Variants in MSH3 observed in about 807,000 individuals in gnomAD.
MSH3 encodes the protein DNA mismatch repair protein Msh3.
In MSH3, 106 loss-of-function variants were observed where a neutral mutation model predicts 123.3. The observed-to-expected ratio is 0.86, with a 90% confidence interval of 0.73 to 1.01. MSH3 has a LOEUF of 1.01. Ranked by LOEUF, MSH3 falls within the 50% of genes least tolerant of loss-of-function variation. The pLI is 0.00. For missense variants in MSH3, 1,459 were observed against 1,347.6 expected (o/e 1.08, Z -1.29); for synonymous variants, 515 against 481.4 (o/e 1.07, Z -0.91).
chr5:80,757,654 A>C (rs986058481), intron 12 of MSH3, among the ~76,000 whole-genome samples: 2 of 152,166 alleles, frequency 1.3e-5, no homozygotes, highest in Non-Finnish European at 2.9e-5. Flanking sequence ...TTGTATAGTA[A>C]GATCAACCGT....
chr5:80,809,153 A>G (rs942808248), intron 19 of MSH3, among the ~76,000 whole-genome samples: 2 of 151,884 alleles, frequency 1.3e-5, no homozygotes. Context: ...GGAATTTCAT[A>G]TATATTTTCT....
At chr5:80,665,499 T>G (rs1749550340) in intron 3 of MSH3, 136 bp downstream of exon 3, 1 of 695,364 alleles carries the variant, frequency 1.4e-6, no homozygotes, top group African/African-American at 1.8e-5. Flanking sequence ...GGAGCTTTTG[T>G]GTTTTAGTTT....
At position 80,754,284 on chromosome 5, in the gene MSH3, T is replaced by TTATA. The variant is rs543692557; in HGVS notation, c.1764-7250_1764-7247dup. 4.9e-3 allele frequency among the ~76,000 whole-genome samples: 739 copies of TTATA among 151,312 alleles called. 4 individuals carry two copies. The highest frequency in any genetic ancestry group is 0.017 in the African/African-American group (704 of 41,252). On this transcript the variant is annotated intron_variant, in intron 12 of 23. Transcript: ENST00000265081. ...TTGTTTAAAAAAGCAAATATGAATT[T>TTATA]TATATATATATATATGAAATCTCTT...
At chr5:80,848,955 C>T (rs536930821) in intron 20 of MSH3, among the ~76,000 whole-genome samples, 49 of 152,286 alleles carry the variant, frequency 3.2e-4, no homozygotes, top group African/African-American at 1.1e-3. Context: ...AGGCAAGTCC[C>T]TTCTGCCTAT....
intron 8 of MSH3, among the ~76,000 whole-genome samples, chr5:80,679,466 A>G (rs1256899711): frequency 6.6e-6 from 1 of 152,192 alleles, no homozygotes; most frequent in Non-Finnish European, 1.5e-5. Context: ...ATTTAATGAT[A>G]TTATTTGATA....
intron 20 of MSH3, among the ~76,000 whole-genome samples, chr5:80,821,381 T>G (rs1745203347): frequency 6.6e-6 from 1 of 152,234 alleles, no homozygotes; most frequent in Non-Finnish European, 1.5e-5. Context: ...CAGCTACTAA[T>G]ATAAATTAAA....
At chr5:80,710,062 ATCT>A (rs1750828510) in intron 8 of MSH3, among the ~76,000 whole-genome samples, 1 of 151,832 alleles carries the variant, frequency 6.6e-6, no homozygotes, top group South Asian at 2.1e-4. Context: ...GACTACTGCT[ATCT>A]ATCTCCTATT....
chr5:80,848,291 T>C lies in MSH3; in HGVS notation c.2814-5839T>C, dbSNP rs139979492. Among the ~76,000 whole-genome samples the C allele has an allele frequency of 1.6e-4, 24 of 152,310 alleles. No individual in the cohort carries two copies. The East Asian group carries it at 4.2e-3, about 27-fold the overall frequency. On this transcript the variant is annotated intron_variant, in intron 20 of 23. Coordinates refer to ENST00000265081, the MANE Select transcript of MSH3 (RefSeq NM_002439.5). ...CAGCATCGAATTTTAATTTCACCCA[T>C]ACAGTAAATTTTTCAGTGATCATAT...
chr5:80,695,084 GTTGT>G (rs1341730331), intron 8 of MSH3, among the ~76,000 whole-genome samples: 6 of 104,522 alleles, frequency 5.7e-5, no homozygotes, highest in African/African-American at 1.6e-4. Flanking sequence ...TGTTTTTTTT[GTTGT>G]TTTTTTTTTT....
At chr5:80,862,005 A>G (rs245343) in intron 21 of MSH3, among the ~76,000 whole-genome samples, 68,022 of 151,812 alleles carry the variant, frequency 0.45, 16,238 homozygotes, top group Non-Finnish European at 0.54. Flanking sequence ...TGACCTTTTT[A>G]TGGATGAAAA....
intron 12 of MSH3, among the ~76,000 whole-genome samples, chr5:80,746,100 G>T (rs532674435): frequency 5.9e-4 from 90 of 152,098 alleles, no homozygotes; most frequent in African/African-American, 2.1e-3. Context: ...TATAGAAAAC[G>T]CACAGTACAG....
At chr5:80,733,512 A>T (rs1219571972) in intron 10 of MSH3, among the ~76,000 whole-genome samples, 1 of 152,162 alleles carries the variant, frequency 6.6e-6, no homozygotes, top group Middle Eastern at 3.2e-3. Flanking sequence ...TTCTTCAAAG[A>T]ACACCATCAA....
chr5:80,734,288 G>A (rs191317627), intron 10 of MSH3, among the ~76,000 whole-genome samples: 1 of 152,174 alleles, frequency 6.6e-6, no homozygotes, highest in Non-Finnish European at 1.5e-5. Context: ...GTTGCCTAGG[G>A]CTCTTGGGTT....
chr5:80,819,179 A>G (rs1489913239), intron 20 of MSH3, among the ~76,000 whole-genome samples: 3 of 152,074 alleles, frequency 2.0e-5, no homozygotes, highest in African/African-American at 7.2e-5. Context: ...GGAGTTATGC[A>G]ATAAGAAGGC....
intron 22 of MSH3, among the ~76,000 whole-genome samples, chr5:80,867,454 A>G (rs1746126436): frequency 6.6e-6 from 1 of 152,206 alleles, no homozygotes; most frequent in African/African-American, 2.4e-5. Context: ...ATTGAGTAAC[A>G]GGCTCCTTCT....
intron 4 of MSH3, among the ~76,000 whole-genome samples, 170 bp downstream of exon 4, chr5:80,670,479 T>A (rs879746892): frequency 2.0e-5 from 3 of 152,168 alleles, no homozygotes; most frequent in Non-Finnish European, 4.4e-5. Context: ...AGAAACTTGG[T>A]GGGAACCAGA....
chr5:80,802,403 A>G (rs1744804620), intron 19 of MSH3, among the ~76,000 whole-genome samples: 2 of 150,476 alleles, frequency 1.3e-5, no homozygotes, highest in Admixed American at 1.3e-4. Flanking sequence ...ACCTCACAGA[A>G]TTGATTCTTT....
chr5:80,733,737 A>G (rs1743454232), intron 10 of MSH3, among the ~76,000 whole-genome samples: 1 of 152,192 alleles, frequency 6.6e-6, no homozygotes, highest in African/African-American at 2.4e-5. Context: ...AACATCATTA[A>G]GCATCAGGTA....
At chr5:80,736,521 A>G (rs1290003269) in intron 10 of MSH3, among the ~76,000 whole-genome samples, 1 of 152,184 alleles carries the variant, frequency 6.6e-6, no homozygotes, top group Non-Finnish European at 1.5e-5. Context: ...TTCCTTAGAA[A>G]GGCCTTCCTG....
Sources: gnomAD v4.1 joint callset for allele counts (sites outside exome capture counted in the v4.1 genomes callset) on GRCh38, gnomAD v4.1.1 for gene constraint, MANE v1.5 for transcripts, NCBI Gene and HGNC (gene_info 2026-07-23, HGNC 2026-07-21) for gene names.